The following PDE10A variants were observed in gnomAD, a reference collection of about 807,000 sequenced individuals.
PDE10A encodes the protein phosphodiesterase 10A.
PDE10A carries 39 observed loss-of-function variants against 97.7 expected under a neutral mutation model. The ratio of observed to expected loss-of-function variants is 0.40; its 90% confidence interval spans 0.31 to 0.52. The LOEUF (loss-of-function observed/expected upper bound fraction) is 0.52. Ranked by LOEUF, PDE10A falls within the 20% of genes least tolerant of loss-of-function variation. The pLI, the probability that PDE10A is intolerant of heterozygous loss-of-function variation, is 0.56. For missense variants in PDE10A, 731 were observed against 1,047.8 expected, an observed-to-expected ratio of 0.70 and a Z score of 4.17; for synonymous variants, 371 against 376.8, an observed-to-expected ratio of 0.98 and a Z score of 0.18.
intron 1 of PDE10A, among the ~76,000 whole-genome samples, chr6:165,771,655 A>C (rs1460159955): frequency 0.056 from 1,603 of 28,476 alleles, 16 homozygotes; most frequent in African/African-American, 0.2. Context: ...TTAACAAGAT[A>C]AAAAAAAAAA....
intron 18 of PDE10A, among the ~76,000 whole-genome samples, chr6:165,375,682 T>A (rs1417117520): frequency 2.0e-5 from 3 of 152,304 alleles, no homozygotes; most frequent in East Asian, 3.9e-4. Flanking sequence ...AGAGGAGAAG[T>A]CAATGTCTAG....
At chr6:165,983,090 C>CACAT (rs61565618) in intron 1 of PDE10A, among the ~76,000 whole-genome samples, 3 of 151,746 alleles carry the variant, frequency 2.0e-5, no homozygotes, top group South Asian at 2.1e-4. Flanking sequence ...CACACACACA[C>CACAT]GAGTACATGT....
intron 1 of PDE10A, among the ~76,000 whole-genome samples, chr6:165,947,645 G>C (rs1312260873): frequency 6.6e-6 from 1 of 152,124 alleles, no homozygotes; most frequent in African/African-American, 2.4e-5. Flanking sequence ...TGGCATAAAC[G>C]TATTTTCCTA....
chr6:165,548,378 A>C (rs1210676792), intron 1 of PDE10A, among the ~76,000 whole-genome samples: 1 of 140,688 alleles, frequency 7.1e-6, no homozygotes, highest in African/African-American at 2.7e-5. Flanking sequence ...TTTTTAAATT[A>C]TATTTAGGTC....
At chr6:165,468,319 A>G (rs1243622333) in intron 3 of PDE10A, among the ~76,000 whole-genome samples, 1 of 148,788 alleles carries the variant, frequency 6.7e-6, no homozygotes, top group Non-Finnish European at 1.5e-5. Flanking sequence ...TGAACTCCTG[A>G]CCTCGTGATC....
chr6:165,847,245 C>T (rs1403741826), intron 1 of PDE10A, among the ~76,000 whole-genome samples: 1 of 152,126 alleles, frequency 6.6e-6, no homozygotes, highest in Non-Finnish European at 1.5e-5. Context: ...GCAGGGGTAC[C>T]GGGAGCTTGG....
At position 165,684,708 on chromosome 6, in the gene PDE10A, C is replaced by A. The variant is rs1008863051; in HGVS notation, c.-614-141140G>T. Among the ~76,000 whole-genome samples the A allele has an allele frequency of 2.0e-5, 3 of 152,312 alleles. 1 individual carries two copies. Among genetic ancestry groups the A allele is most frequent in the Admixed American group, 1.3e-4 (2 of 15,284 alleles). ...TATTTTTGTGATATTTCCCCACAGG[C>A]CACATTCAAAGGTTACATGCATATA... is the stretch of plus-strand genomic sequence containing the variant. On this transcript the variant is annotated intron_variant, in intron 1 of 19. Coordinates refer to the PDE10A transcript ENST00000366882.
chr6:165,619,449 C>CTAGTA (rs1787972755), intron 1 of PDE10A, among the ~76,000 whole-genome samples: 15 of 16,404 alleles, frequency 9.1e-4, no homozygotes, highest in East Asian at 2.9e-3. Flanking sequence ...GTAGTATAGT[C>CTAGTA]TAGTGTAGTG....
intron 1 of PDE10A, among the ~76,000 whole-genome samples, chr6:165,791,222 G>A (rs1425833971): frequency 6.6e-6 from 1 of 151,742 alleles, no homozygotes. Flanking sequence ...GCGTTGGAAG[G>A]GCAAGGTGGG....
chr6:165,629,612 A>T (rs1788540824), intron 1 of PDE10A, among the ~76,000 whole-genome samples: 1 of 151,320 alleles, frequency 6.6e-6, no homozygotes, highest in Non-Finnish European at 1.5e-5. Context: ...CGGCTCACTG[A>T]AACCTCCACC....
intron 1 of PDE10A, among the ~76,000 whole-genome samples, chr6:165,882,763 A>G (rs907773920): frequency 2.1e-4 from 2 of 9,376 alleles, no homozygotes; most frequent in South Asian, 0.015. Flanking sequence ...ATCACTCAGA[A>G]AAAAAAAAAA....
At chr6:165,921,668 G>T (rs905729751) in intron 1 of PDE10A, among the ~76,000 whole-genome samples, 2 of 152,168 alleles carry the variant, frequency 1.3e-5, no homozygotes, top group African/African-American at 4.8e-5. Context: ...CAAGCAAAGG[G>T]AGATCTTGTG....
intron 1 of PDE10A, among the ~76,000 whole-genome samples, chr6:165,684,437 G>A (rs1791060172): frequency 6.6e-6 from 1 of 152,222 alleles, no homozygotes; most frequent in Non-Finnish European, 1.5e-5. Flanking sequence ...TAACGCCTCA[G>A]GTCTCACAAT....
chr6:165,333,250 A>T, intron 21 of PDE10A, 123 bp from the exon 22 acceptor site: 1 of 662,592 alleles, frequency 1.5e-6, no homozygotes, highest in Non-Finnish European at 2.7e-6. Flanking sequence ...GGGCCCTCCG[A>T]CATGGTTACC....
At chr6:165,695,283 G>C (rs1791416468) in intron 1 of PDE10A, among the ~76,000 whole-genome samples, 1 of 151,964 alleles carries the variant, frequency 6.6e-6, no homozygotes, top group African/African-American at 2.4e-5. Context: ...GGTAGAAGGA[G>C]CAAACAGCAA....
chr6:165,467,856 CAGAGAAATCTTCTATGA>C (rs1261086120), intron 3 of PDE10A, among the ~76,000 whole-genome samples: 1 of 152,176 alleles, frequency 6.6e-6, no homozygotes, highest in African/African-American at 2.4e-5. Context: ...TTGCATGCTG[CAGAGAAATCTTCTATGA>C]AAGGAAGAGT....
intron 1 of PDE10A, among the ~76,000 whole-genome samples, chr6:165,762,788 G>T (rs968174311): frequency 3.9e-5 from 6 of 152,060 alleles, no homozygotes; most frequent in African/African-American, 9.7e-5. Context: ...GCTTTCTCTA[G>T]CCCATCTCTG....
At chr6:165,414,683 C>T (rs1379156720) in intron 12 of PDE10A, among the ~76,000 whole-genome samples, 1 of 152,176 alleles carries the variant, frequency 6.6e-6, no homozygotes, top group Non-Finnish European at 1.5e-5. Flanking sequence ...GCTTGTAGTA[C>T]TATCTAGAAG....
chr6:165,791,461 T>A (rs766946530), intron 1 of PDE10A, among the ~76,000 whole-genome samples: 2 of 152,184 alleles, frequency 1.3e-5, no homozygotes, highest in Non-Finnish European at 2.9e-5. Flanking sequence ...GCATCTTGGC[T>A]ATTGTGAACG....
Sources: allele counts gnomAD v4.1 joint callset (sites outside exome capture counted in the v4.1 genomes callset), GRCh38; gene constraint gnomAD v4.1.1; transcripts MANE v1.5; gene names NCBI Gene and HGNC (gene_info 2026-07-23, HGNC 2026-07-21).